Variants in PGM5 observed in about 807,000 individuals in gnomAD.
PGM5 encodes the protein phosphoglucomutase 5.
In PGM5, 23 loss-of-function variants were observed where a neutral mutation model predicts 59.2. The observed-to-expected ratio is 0.39, with a 90% CI of 0.28 to 0.55. The LOEUF is 0.55. Among genes scored for constraint, PGM5 ranks in the 20% least tolerant of loss-of-function variants. The pLI, the probability that PGM5 is intolerant of heterozygous loss-of-function variation, is 0.66. For missense variants in PGM5, 574 were observed against 748.3 expected (o/e 0.77, Z 2.72); for synonymous variants, 214 against 286.0 (o/e 0.75, Z 2.54).
chr9:68,496,734 CAT>C (rs1160219348), intron 9 of PGM5: 2 of 152,162 alleles, frequency 1.3e-5, no homozygotes, highest in African/African-American at 2.4e-5. Flanking sequence ...GCAGATAACA[CAT>C]GTTTATAGTT....
intron 10 of PGM5, among the ~76,000 whole-genome samples, chr9:68,528,710 T>C (rs147410561): frequency 2.6e-5 from 4 of 152,348 alleles, no homozygotes; most frequent in Admixed American, 2.6e-4. Flanking sequence ...TCCTGAGGCA[T>C]GCACTATCTT....
chr9:68,400,775 G>T (rs1202402277), intron 6 of PGM5: 3 of 152,308 alleles, frequency 2.0e-5, no homozygotes, highest in East Asian at 1.9e-4. Context: ...ATGATATGTG[G>T]GTACTGACGC....
At chr9:68,467,809 G>A (rs777513540) in intron 7 of PGM5, among the ~76,000 whole-genome samples, 4 of 151,866 alleles carry the variant, frequency 2.6e-5, no homozygotes, top group Non-Finnish European at 5.9e-5. Context: ...ATGTTTATAT[G>A]AAGAGAAGCT....
chr9:68,511,015 T>C (rs1824740313), intron 10 of PGM5, among the ~76,000 whole-genome samples: 1 of 152,166 alleles, frequency 6.6e-6, no homozygotes, highest in African/African-American at 2.4e-5. Context: ...GGATGAAGCC[T>C]CTAAGTAGCA....
intron 6 of PGM5, among the ~76,000 whole-genome samples, chr9:68,404,619 C>T: frequency 6.6e-6 from 1 of 152,190 alleles, no homozygotes. Context: ...GAATCCAGAC[C>T]TGGGAATCCA....
intron 6 of PGM5, among the ~76,000 whole-genome samples, chr9:68,462,606 ATCCTTTT>A (rs1823873846): frequency 6.6e-6 from 1 of 152,018 alleles, no homozygotes; most frequent in Non-Finnish European, 1.5e-5. Context: ...AGCTGGGGAA[ATCCTTTT>A]CCCTCCCTTC....
chr9:68,401,559 C>T (rs558691369), intron 6 of PGM5, among the ~76,000 whole-genome samples: 1,812 of 151,716 alleles, frequency 0.012, 11 homozygotes, highest in Non-Finnish European at 0.018. Context: ...CTTAGAATCG[C>T]CCTGTCTGAT....
intron 6 of PGM5, among the ~76,000 whole-genome samples, chr9:68,449,899 A>G (rs1823668809): frequency 6.6e-6 from 1 of 152,180 alleles, no homozygotes; most frequent in Non-Finnish European, 1.5e-5. Flanking sequence ...AAATCCAGTG[A>G]GATGCTTACA....
At chr9:68,365,438 G>T (rs1554676595) in intron 1 of PGM5, among the ~76,000 whole-genome samples, 1 of 150,636 alleles carries the variant, frequency 6.6e-6, no homozygotes, top group East Asian at 1.9e-4. Context: ...GACTCTCTTA[G>T]TTATGAATAA....
At chr9:68,480,174 A>G (rs1175339055) in intron 8 of PGM5, among the ~76,000 whole-genome samples, 2 of 152,248 alleles carry the variant, frequency 1.3e-5, no homozygotes, top group African/African-American at 4.8e-5. Context: ...CATGGCTGTG[A>G]GAGCCGTGCA....
chr9:68,383,518 T>C (rs547279183), intron 2 of PGM5, among the ~76,000 whole-genome samples: 9 of 152,004 alleles, frequency 5.9e-5, no homozygotes, highest in African/African-American at 9.6e-5. Context: ...AACTATTGTA[T>C]TGGACAATGC....
chr9:68,496,179 G>A (rs1824479478), intron 9 of PGM5, among the ~76,000 whole-genome samples: 1 of 152,216 alleles, frequency 6.6e-6, no homozygotes, highest in Non-Finnish European at 1.5e-5. Context: ...TGGAAACTTT[G>A]CAAGTCTTGG....
intron 6 of PGM5, among the ~76,000 whole-genome samples, chr9:68,426,445 T>C (rs1240942987): frequency 6.6e-6 from 1 of 152,168 alleles, no homozygotes; most frequent in Non-Finnish European, 1.5e-5. Flanking sequence ...CACAGGACCC[T>C]ATACACATTT....
chr9:68,491,751 C>T (rs1229364028), intron 9 of PGM5, among the ~76,000 whole-genome samples: 1 of 152,144 alleles, frequency 6.6e-6, no homozygotes, highest in East Asian at 1.9e-4. Flanking sequence ...CCTGTAGTCC[C>T]AGCTACTTGG....
At chr9:68,520,175 A>G (rs940609122) in intron 10 of PGM5, among the ~76,000 whole-genome samples, 5 of 151,634 alleles carry the variant, frequency 3.3e-5, no homozygotes, top group Middle Eastern at 3.2e-3. Flanking sequence ...AAGTTAAAAG[A>G]CGGAAAAAGA....
intron 4 of PGM5, among the ~76,000 whole-genome samples, chr9:68,389,294 G>A (rs1554679229): frequency 6.6e-6 from 1 of 152,016 alleles, no homozygotes; most frequent in East Asian, 1.9e-4. Flanking sequence ...TAGGTATACA[G>A]TTTGATAAGA....
At chr9:68,505,855 C>T (rs533419096) in intron 10 of PGM5, among the ~76,000 whole-genome samples, 4 of 152,284 alleles carry the variant, frequency 2.6e-5, no homozygotes, top group South Asian at 2.1e-4. Flanking sequence ...CTATAGGTCA[C>T]GGGGTGGGGC....
chr9:68,480,794 G>T (rs935441031), intron 8 of PGM5, among the ~76,000 whole-genome samples: 3 of 152,156 alleles, frequency 2.0e-5, no homozygotes, highest in African/African-American at 7.2e-5. Context: ...GGAAAGATCA[G>T]TGGGTAGGAG....
chr9:68,464,882 T>C (rs1424058891), intron 6 of PGM5, among the ~76,000 whole-genome samples: 2 of 152,180 alleles, frequency 1.3e-5, no homozygotes, highest in Non-Finnish European at 2.9e-5. Flanking sequence ...ATTTTCTATA[T>C]GGTGGAGAAA....
Sources: gnomAD v4.1 joint callset for allele counts (sites outside exome capture counted in the v4.1 genomes callset) on GRCh38, gnomAD v4.1.1 for gene constraint, MANE v1.5 for transcripts, NCBI Gene and HGNC (gene_info 2026-07-23, HGNC 2026-07-21) for gene names.